Variants in SNTG1 observed in about 807,000 individuals in gnomAD.
SNTG1 encodes the protein syntrophin gamma 1.
In SNTG1, 39 loss-of-function variants were observed where a neutral mutation model predicts 74.7. That is an observed-to-expected ratio of 0.52 (90% confidence interval 0.40 to 0.68). The LOEUF is 0.68. Ranked by LOEUF, SNTG1 falls within the 30% of genes least tolerant of loss-of-function variation. The probability of loss-of-function intolerance (pLI) is 0.00; values close to 1 mark genes in which losing one functional copy is unlikely to be tolerated. For missense variants in SNTG1, 685 were observed against 609.5 expected (o/e 1.12, Z -1.30); for synonymous variants, 254 against 217.1 (o/e 1.17, Z -1.49).
intron 1 of SNTG1, among the ~76,000 whole-genome samples, chr8:50,001,625 T>C (rs1011590265): frequency 6.6e-5 from 10 of 152,158 alleles, no homozygotes; most frequent in Admixed American, 3.3e-4. Flanking sequence ...TCAGACTGTA[T>C]ATTGTTGTGA....
intron 2 of SNTG1, among the ~76,000 whole-genome samples, chr8:50,211,009 A>C (rs907515683): frequency 6.6e-6 from 1 of 152,140 alleles, no homozygotes; most frequent in African/African-American, 2.4e-5. Context: ...GTAATGTATG[A>C]TTGCTTCTTT....
intron 1 of SNTG1, among the ~76,000 whole-genome samples, chr8:49,978,951 A>C (rs1014748363): frequency 6.6e-6 from 1 of 152,212 alleles, no homozygotes; most frequent in Non-Finnish European, 1.5e-5. Flanking sequence ...AAAATATAGG[A>C]GATATGGATG....
At chr8:50,611,213 A>G (rs766289559) in intron 13 of SNTG1, among the ~76,000 whole-genome samples, 24 of 152,190 alleles carry the variant, frequency 1.6e-4, no homozygotes, top group Non-Finnish European at 3.1e-4. Flanking sequence ...CAACCTTAGC[A>G]GTCTCTGCAG....
chr8:50,698,750 G>A lies in SNTG1; in HGVS notation c.1039-5850G>A, dbSNP rs570951697. Among the ~76,000 whole-genome samples the A allele has an allele frequency of 6.6e-5, 10 of 152,272 alleles. No homozygotes were observed. In the East Asian group the frequency reaches 1.9e-3, roughly 30 times the overall value. On this transcript the variant is annotated intron_variant, in intron 15 of 18. Coordinates refer to ENST00000642720, the MANE Select transcript of SNTG1 (RefSeq NM_018967.5). ...GGAAGTGCATGGGACACTTCCCAGA[G>A]CAGGTACTTCTTACAGTCTCCCAGC...
At chr8:50,619,339 T>C (rs941194325) in intron 13 of SNTG1, among the ~76,000 whole-genome samples, 2 of 152,196 alleles carry the variant, frequency 1.3e-5, no homozygotes, top group Non-Finnish European at 2.9e-5. Flanking sequence ...TATGCTTAAG[T>C]ACCTATTTAT....
rs954186754 is a variant in SNTG1, at chr8:50,794,715, C to T, written c.*1886C>T. ...GTGGTTCATTATGGAACTTCTGCTTCCAACCAGAGCTGAATCTCAGTGTGC... is the reference window on the plus strand; with the variant it reads ...GTGGTTCATTATGGAACTTCTGCTTTCAACCAGAGCTGAATCTCAGTGTGC... On this transcript the variant is annotated 3_prime_UTR_variant, in exon 19 of 19. Coordinates refer to ENST00000642720, the MANE Select transcript of SNTG1 (RefSeq NM_018967.5). The T allele has an allele frequency of 2.6e-5, 4 of 151,936 alleles. No homozygotes were observed. Among genetic ancestry groups the T allele is most frequent in the African/African-American group, 9.7e-5 (4 of 41,418 alleles). 9.4% of individuals were successfully genotyped at this position (151,936 alleles called of 1,614,324 possible).
At chr8:50,321,881 CT>C (rs1340147346) in intron 2 of SNTG1, among the ~76,000 whole-genome samples, 2 of 151,992 alleles carry the variant, frequency 1.3e-5, no homozygotes, top group African/African-American at 4.8e-5. Flanking sequence ...TCTTATTTTA[CT>C]TTTTACTGTC....
At chr8:50,096,945 G>T (rs1039043161) in intron 1 of SNTG1, among the ~76,000 whole-genome samples, 1 of 152,032 alleles carries the variant, frequency 6.6e-6, no homozygotes, top group African/African-American at 2.4e-5. Context: ...ACAAAACACT[G>T]AATTCTTACT....
intron 12 of SNTG1, among the ~76,000 whole-genome samples, chr8:50,561,300 A>G (rs2094486899): frequency 6.6e-6 from 1 of 152,146 alleles, no homozygotes; most frequent in African/African-American, 2.4e-5. Flanking sequence ...GCCATGAGGA[A>G]CTATGAGTCA....
chr8:50,012,272 G>A (rs560697956), intron 1 of SNTG1, among the ~76,000 whole-genome samples: 1 of 152,082 alleles, frequency 6.6e-6, no homozygotes, highest in Non-Finnish European at 1.5e-5. Flanking sequence ...TGCAACTGAG[G>A]TGGTTTATTT....
chr8:50,596,574 C>A (rs577160632), intron 13 of SNTG1, among the ~76,000 whole-genome samples: 3 of 151,792 alleles, frequency 2.0e-5, no homozygotes, highest in African/African-American at 4.8e-5. Flanking sequence ...ATTCCTCTAC[C>A]AAAATACAAA....
At chr8:50,421,611 C>G (rs1029412050) in intron 4 of SNTG1, among the ~76,000 whole-genome samples, 6 of 152,038 alleles carry the variant, frequency 3.9e-5, no homozygotes, top group Non-Finnish European at 7.4e-5. Context: ...TAGTGCAGCC[C>G]AATAGGTTTC....
intron 2 of SNTG1, among the ~76,000 whole-genome samples, chr8:50,370,698 C>G (rs1324213184): frequency 6.6e-6 from 1 of 152,090 alleles, no homozygotes; most frequent in Non-Finnish European, 1.5e-5. Flanking sequence ...ATCCCCACCT[C>G]CGCTCCTTTC....
At chr8:50,507,078 T>A (rs1341882122) in intron 9 of SNTG1, among the ~76,000 whole-genome samples, 3 of 152,098 alleles carry the variant, frequency 2.0e-5, no homozygotes, top group African/African-American at 7.2e-5. Flanking sequence ...CTGAGGTGTC[T>A]ATGTGGGATT....
At chr8:50,783,055 CCT>C (rs1563835358) in intron 18 of SNTG1, among the ~76,000 whole-genome samples, 1 of 152,126 alleles carries the variant, frequency 6.6e-6, no homozygotes, top group Non-Finnish European at 1.5e-5. Context: ...TCTGATCGTT[CCT>C]CTGATAGTTT....
chr8:50,383,503 A>T (rs2092524415), intron 2 of SNTG1, among the ~76,000 whole-genome samples: 1 of 152,202 alleles, frequency 6.6e-6, no homozygotes, highest in African/African-American at 2.4e-5. Context: ...TTTATAACAA[A>T]ATGAGAAAGA....
At chr8:50,516,837 A>G (rs2094137628) in intron 9 of SNTG1, among the ~76,000 whole-genome samples, 1 of 152,248 alleles carries the variant, frequency 6.6e-6, no homozygotes, top group Non-Finnish European at 1.5e-5. Flanking sequence ...CCTAAAAGTG[A>G]AAGGGAGAAT....
chr8:50,372,673 GCT>G (rs1209438277), intron 2 of SNTG1, among the ~76,000 whole-genome samples: 1 of 152,050 alleles, frequency 6.6e-6, no homozygotes, highest in African/African-American at 2.4e-5. Context: ...GAAAGATACA[GCT>G]CTGACATTAT....
intron 1 of SNTG1, among the ~76,000 whole-genome samples, chr8:50,153,569 G>C (rs60150087): frequency 0.027 from 4,170 of 152,278 alleles, 214 homozygotes; most frequent in African/African-American, 0.093. Context: ...GTGATGTACA[G>C]ATGGGGGTTT....
Sources: allele counts gnomAD v4.1 joint callset (sites outside exome capture counted in the v4.1 genomes callset), GRCh38; gene constraint gnomAD v4.1.1; transcripts MANE v1.5; gene names NCBI Gene and HGNC (gene_info 2026-07-23, HGNC 2026-07-21).